Variants in RPS6KC1 observed in about 807,000 individuals in gnomAD.
RPS6KC1 encodes the protein inactive ribosomal protein S6 kinase delta-1.
In RPS6KC1, 54 loss-of-function variants were observed where a neutral mutation model predicts 103.8. That is an observed-to-expected ratio of 0.52 (90% CI 0.42 to 0.65). RPS6KC1 has a LOEUF of 0.65. Among genes scored for constraint, RPS6KC1 ranks in the 30% least tolerant of loss-of-function variants. The pLI, the probability that RPS6KC1 is intolerant of heterozygous loss-of-function variation, is 0.00. For synonymous variants in RPS6KC1, 439 were observed against 438.7 expected (o/e 1.00, Z -0.01); for missense variants, 1,151 against 1,253.8 (o/e 0.92, Z 1.24).
chr1:213,415,661 TC>T, the RPS6KC1 span, among the ~76,000 whole-genome samples: 1 of 152,156 alleles, frequency 6.6e-6, no homozygotes, highest in African/African-American at 2.4e-5. Context: ...CTGTCCCCAG[TC>T]CCTTCCTGCG....
At chr1:213,827,999 T>TTC in the RPS6KC1 span, among the ~76,000 whole-genome samples, 7 of 152,206 alleles carry the variant, frequency 4.6e-5, 1 homozygote, top group East Asian at 1.3e-3. Flanking sequence ...GGCCTCTTCT[T>TTC]TCTCTCTCTA....
chr1:213,136,125 C>A (rs1207449485), intron 6 of RPS6KC1, among the ~76,000 whole-genome samples: 3 of 152,192 alleles, frequency 2.0e-5, no homozygotes, highest in Admixed American at 2.0e-4. Context: ...TCTCTGTTCA[C>A]ACCCTGTATT....
the RPS6KC1 span, among the ~76,000 whole-genome samples, chr1:213,366,774 C>T: frequency 3.5e-4 from 54 of 152,302 alleles, no homozygotes; most frequent in African/African-American, 1.2e-3. Context: ...GTTTTAATTC[C>T]TCCAGTGGCC....
the RPS6KC1 span, among the ~76,000 whole-genome samples, chr1:213,857,058 G>A: frequency 6.6e-6 from 1 of 152,150 alleles, no homozygotes; most frequent in Non-Finnish European, 1.5e-5. Context: ...TATTTGTATT[G>A]AATATATATT....
the RPS6KC1 span, among the ~76,000 whole-genome samples, chr1:213,756,152 T>A: frequency 0.021 from 3,214 of 152,294 alleles, 117 homozygotes; most frequent in African/African-American, 0.073. Flanking sequence ...CACTGTTTTG[T>A]ACTACTACTT....
the RPS6KC1 span, among the ~76,000 whole-genome samples, chr1:213,463,470 G>T: frequency 1.3e-5 from 2 of 152,130 alleles, no homozygotes; most frequent in Admixed American, 6.6e-5. Flanking sequence ...GAGGGATCTT[G>T]TGTACCTTTT....
At chr1:213,557,649 C>CTTGA in the RPS6KC1 span, among the ~76,000 whole-genome samples, 1 of 152,144 alleles carries the variant, frequency 6.6e-6, no homozygotes, top group Non-Finnish European at 1.5e-5. Context: ...AATATGTTAG[C>CTTGA]TTGATATATG....
At chr1:213,725,579 GC>G in the RPS6KC1 span, among the ~76,000 whole-genome samples, 3 of 152,184 alleles carry the variant, frequency 2.0e-5, no homozygotes, top group Non-Finnish European at 4.4e-5. Context: ...GAAATCCAGA[GC>G]CCTTTACTCG....
the RPS6KC1 span, among the ~76,000 whole-genome samples, chr1:213,453,689 A>C: frequency 6.6e-6 from 1 of 152,182 alleles, no homozygotes; most frequent in African/African-American, 2.4e-5. Context: ...GTAACAGTAA[A>C]AAGTTGAAAG....
chr1:213,437,305 A>G, the RPS6KC1 span, among the ~76,000 whole-genome samples: 1 of 152,236 alleles, frequency 6.6e-6, no homozygotes, highest in South Asian at 2.1e-4. Context: ...TCAATGAGAT[A>G]AATTGCATTG....
At chr1:213,361,246 C>G in the RPS6KC1 span, among the ~76,000 whole-genome samples, 1 of 152,260 alleles carries the variant, frequency 6.6e-6, no homozygotes, top group Non-Finnish European at 1.5e-5. Flanking sequence ...CCTACTCAAG[C>G]CTCAGCAATG....
At chr1:213,515,443 C>T in the RPS6KC1 span, among the ~76,000 whole-genome samples, 1 of 152,194 alleles carries the variant, frequency 6.6e-6, no homozygotes, top group Admixed American at 6.5e-5. Flanking sequence ...CAGCTTTCTA[C>T]ATATGGCTAG....
chr1:213,748,549 A>G, the RPS6KC1 span, among the ~76,000 whole-genome samples: 10 of 152,250 alleles, frequency 6.6e-5, no homozygotes, highest in Admixed American at 2.6e-4. Context: ...GGAGAGAAGT[A>G]CAAGTCATCC....
At chr1:213,784,542 G>T in the RPS6KC1 span, among the ~76,000 whole-genome samples, 2 of 152,184 alleles carry the variant, frequency 1.3e-5, no homozygotes, top group East Asian at 1.9e-4. Context: ...AGAGGATTAA[G>T]ATGAACCCTT....
At chr1:213,267,843 A>G (rs1333876177) in intron 14 of RPS6KC1, among the ~76,000 whole-genome samples, 1 of 152,018 alleles carries the variant, frequency 6.6e-6, no homozygotes, top group Admixed American at 6.5e-5. Context: ...ATAGAGGAAG[A>G]AAGAATAAAT....
chr1:213,860,496 G>A, the RPS6KC1 span, among the ~76,000 whole-genome samples: 2 of 152,100 alleles, frequency 1.3e-5, no homozygotes, highest in Non-Finnish European at 2.9e-5. Flanking sequence ...TGGAAGTAGG[G>A]TAGAGGAAAC....
At chr1:213,541,154 A>G in the RPS6KC1 span, among the ~76,000 whole-genome samples, 98 of 146,176 alleles carry the variant, frequency 6.7e-4, 33 homozygotes, top group African/African-American at 2.4e-3. Flanking sequence ...TGAATCATGA[A>G]TGCTGGTTGA....
intron 3 of RPS6KC1, among the ~76,000 whole-genome samples, chr1:213,094,792 C>T (rs1422653517): frequency 4.6e-5 from 7 of 152,274 alleles, no homozygotes; most frequent in Non-Finnish European, 7.3e-5. Flanking sequence ...CCTTGGATGA[C>T]GACAAAAACA....
the RPS6KC1 span, among the ~76,000 whole-genome samples, chr1:213,569,778 T>A: frequency 2.6e-5 from 4 of 152,168 alleles, no homozygotes; most frequent in Admixed American, 2.6e-4. Context: ...CATTCAGCCA[T>A]CATTCCCTCA....
Sources: gnomAD v4.1 joint callset for allele counts (sites outside exome capture counted in the v4.1 genomes callset) on GRCh38, gnomAD v4.1.1 for gene constraint, MANE v1.5 for transcripts, NCBI Gene and HGNC (gene_info 2026-07-23, HGNC 2026-07-21) for gene names.